Variants in CUX2 observed in about 807,000 individuals in gnomAD.
CUX2 encodes cut like homeobox 2.
Under a neutral mutation model 144.8 loss-of-function variants are expected in CUX2, and 40 were observed. The observed-to-expected ratio is 0.28, with a 90% CI of 0.21 to 0.36. The LOEUF is 0.36. CUX2 is among the 10% of genes least tolerant of loss of function. The pLI, the probability that CUX2 is intolerant of heterozygous loss-of-function variation, is 1.00. For synonymous variants in CUX2, 827 were observed against 875.6 expected, an observed-to-expected ratio of 0.94 and a Z score of 0.98; for missense variants, 1,615 against 1,994.0, an observed-to-expected ratio of 0.81 and a Z score of 3.62.
Position 111,322,499 on chromosome 12 carries a change from C to A in CUX2, c.2845C>A (p.Arg949=). 1 of 1,603,334 alleles carries A rather than the reference C, an allele frequency of 6.2e-7. No individual in the cohort carries two copies. The highest frequency in any genetic ancestry group is 1.7e-5 in the Admixed American group (1 of 58,180). The stretch of plus-strand genomic sequence containing the variant: ...ATGGAGCAAGCTGACGCAGAAGGGG[C>A]GGGAGCCCTTCATCCGCATGCAGCT... The part of the protein sequence containing the change: ...KPWSKLTQKG[R]EPFIRMQLWL... Residue 949 remains arginine (R), a synonymous_variant, in exon 18 of 22, where the codon CGG becomes AGG. Transcript: ENST00000261726. The surrounding 1 kb of genome is among the most constrained non-coding windows in gnomAD (Gnocchi z 4.2).
At chr12:111,105,452 C>T (rs1258049039) in intron 1 of CUX2, among the ~76,000 whole-genome samples, 1 of 152,106 alleles carries the variant, frequency 6.6e-6, no homozygotes, top group Non-Finnish European at 1.5e-5. Flanking sequence ...TTTTGAAATT[C>T]AGGAGAGGGC....
intron 1 of CUX2, among the ~76,000 whole-genome samples, chr12:111,137,085 G>A (rs1875940428): frequency 6.6e-6 from 1 of 151,466 alleles, no homozygotes; most frequent in African/African-American, 2.4e-5. Flanking sequence ...CCACAGGCAC[G>A]AGCCACCACA....
chr12:111,110,722 G>A (rs929235504), intron 1 of CUX2, among the ~76,000 whole-genome samples: 1 of 152,202 alleles, frequency 6.6e-6, no homozygotes, highest in Non-Finnish European at 1.5e-5. Context: ...TGAAAAAACA[G>A]TTTTGGCATT....
At chr12:111,084,507 T>C (rs1393691771) in intron 1 of CUX2, among the ~76,000 whole-genome samples, 26 of 152,144 alleles carry the variant, frequency 1.7e-4, no homozygotes, top group Admixed American at 6.6e-4. Context: ...TTTTTTTTTT[T>C]CCCTAGAACA....
chr12:111,339,040 T>G (rs1424385125), intron 20 of CUX2, among the ~76,000 whole-genome samples: 2 of 151,776 alleles, frequency 1.3e-5, no homozygotes, highest in Non-Finnish European at 1.5e-5. Flanking sequence ...CAAGACCAAT[T>G]TGGCCAATAT....
chr12:111,237,904 A>C (rs1882837764), intron 3 of CUX2, among the ~76,000 whole-genome samples: 2 of 152,124 alleles, frequency 1.3e-5, no homozygotes, highest in Non-Finnish European at 2.9e-5. Context: ...TTTGGACTGG[A>C]TGATTCCTTG....
At chr12:111,334,917 T>C (rs1030489689) in intron 19 of CUX2, among the ~76,000 whole-genome samples, 2 of 152,156 alleles carry the variant, frequency 1.3e-5, no homozygotes, top group Non-Finnish European at 2.9e-5. Context: ...AAAAGCTTTT[T>C]AAAATTAGCT....
intron 1 of CUX2, among the ~76,000 whole-genome samples, chr12:111,157,325 G>A (rs1877461308): frequency 6.6e-6 from 1 of 151,126 alleles, no homozygotes; most frequent in Admixed American, 6.6e-5. Flanking sequence ...GCACTAGTTG[G>A]GAGAGGCTGG....
intron 4 of CUX2, among the ~76,000 whole-genome samples, chr12:111,267,557 G>A (rs1235519846): frequency 2.6e-5 from 4 of 152,192 alleles, no homozygotes; most frequent in Non-Finnish European, 5.9e-5. Context: ...GCACGTGGAA[G>A]GCTGAGTTAG....
chr12:111,139,442 C>T (rs1030171085), intron 1 of CUX2, among the ~76,000 whole-genome samples: 1 of 152,100 alleles, frequency 6.6e-6, no homozygotes, highest in African/African-American at 2.4e-5. Context: ...AAGGTTTGAG[C>T]AATGGGCCTA....
At chr12:111,309,159 C>T (rs1886747822) in intron 14 of CUX2, among the ~76,000 whole-genome samples, 1 of 152,204 alleles carries the variant, frequency 6.6e-6, no homozygotes, top group Non-Finnish European at 1.5e-5. Flanking sequence ...CCTGCCTCAG[C>T]CTCCCAAAGT....
At chr12:111,251,088 C>G (rs756755850) in intron 3 of CUX2, among the ~76,000 whole-genome samples, 1 of 152,020 alleles carries the variant, frequency 6.6e-6, no homozygotes, top group African/African-American at 2.4e-5. Context: ...CAGGAGCCCT[C>G]GGAAGAGAAG....
intron 1 of CUX2, among the ~76,000 whole-genome samples, chr12:111,165,550 G>A (rs1274164699): frequency 6.6e-6 from 1 of 152,198 alleles, no homozygotes; most frequent in East Asian, 1.9e-4. Context: ...TCAAATTCTG[G>A]TGCTGCTGCC....
chr12:111,042,092 A>G (rs1316536471), intron 1 of CUX2, among the ~76,000 whole-genome samples: 1 of 152,124 alleles, frequency 6.6e-6, no homozygotes, highest in East Asian at 1.9e-4. Context: ...AAAGAAAGAA[A>G]TCAATCCTTC....
chr12:111,136,232 G>T (rs1875879096), intron 1 of CUX2, among the ~76,000 whole-genome samples: 2 of 152,036 alleles, frequency 1.3e-5, no homozygotes, highest in African/African-American at 4.8e-5. Flanking sequence ...GGTGAGAAGT[G>T]ACGCGATTCT....
At chr12:111,266,279 C>T (rs980064663) in intron 4 of CUX2, among the ~76,000 whole-genome samples, 1 of 151,986 alleles carries the variant, frequency 6.6e-6, no homozygotes, top group Non-Finnish European at 1.5e-5. Flanking sequence ...AAGTTCAAGA[C>T]AACCCTGGTC....
At chr12:111,261,685 G>C (rs1433657049) in intron 3 of CUX2, among the ~76,000 whole-genome samples, 2 of 152,160 alleles carry the variant, frequency 1.3e-5, no homozygotes, top group African/African-American at 4.8e-5. Context: ...CAGATCACTT[G>C]AGGTGAGGAG....
intron 1 of CUX2, among the ~76,000 whole-genome samples, chr12:111,144,795 G>T (rs985240431): frequency 1.3e-5 from 2 of 152,218 alleles, no homozygotes; most frequent in South Asian, 4.1e-4. Flanking sequence ...TTGGGGGCCG[G>T]GGAGGGGGTG....
intron 1 of CUX2, among the ~76,000 whole-genome samples, chr12:111,094,616 A>C (rs765899427): frequency 1.3e-5 from 2 of 151,510 alleles, no homozygotes; most frequent in Admixed American, 1.3e-4. Flanking sequence ...TCCCACCTCA[A>C]CCTCCCCAGT....
Sources: gnomAD v4.1 joint callset for allele counts (sites outside exome capture counted in the v4.1 genomes callset) on GRCh38, gnomAD v4.1.1 for gene constraint, Gnocchi (gnomAD v3.1) non-coding constraint, MANE v1.5 for transcripts, NCBI Gene and HGNC (gene_info 2026-07-23, HGNC 2026-07-21) for gene names.